The following CTNNA2 variants were observed in gnomAD, a reference collection of about 807,000 sequenced individuals.
CTNNA2 encodes the protein catenin alpha 2.
Under a neutral mutation model 101.0 loss-of-function variants are expected in CTNNA2, and 42 were observed. The ratio of observed to expected loss-of-function variants is 0.42; its 90% CI spans 0.32 to 0.54. The LOEUF (loss-of-function observed/expected upper bound fraction) is 0.54, where lower values mean the gene tolerates loss of function less well. Ranked by LOEUF, CTNNA2 falls within the 20% of genes least tolerant of loss-of-function variation. The probability of loss-of-function intolerance (pLI) is 0.14; values close to 1 mark genes in which losing one functional copy is unlikely to be tolerated. For missense variants in CTNNA2, 871 were observed against 1,223.1 expected, an observed-to-expected ratio of 0.71 and a Z score of 4.29; for synonymous variants, 450 against 456.4, an observed-to-expected ratio of 0.99 and a Z score of 0.18.
chr2:79,873,997 T>G, intron 5 of CTNNA2, 79 bp from the exon 6 acceptor site: 1 of 1,554,306 alleles, frequency 6.4e-7, no homozygotes, highest in Non-Finnish European at 8.7e-7. Flanking sequence ...TTACTAAGAG[T>G]CTGTGACTCC....
chr2:80,510,535 G>A (rs898767452), intron 9 of CTNNA2, among the ~76,000 whole-genome samples: 8 of 152,114 alleles, frequency 5.3e-5, no homozygotes, highest in African/African-American at 1.9e-4. Context: ...GCTTCACCTT[G>A]ATATATCATA....
intron 7 of CTNNA2, among the ~76,000 whole-genome samples, chr2:80,017,448 G>GTA (rs1245756441): frequency 1.3e-5 from 2 of 151,308 alleles, no homozygotes; most frequent in African/African-American, 2.4e-5. Flanking sequence ...ATATACGTGT[G>GTA]TATATATATG....
chr2:80,400,004 G>C (rs957888667), intron 8 of CTNNA2, among the ~76,000 whole-genome samples: 6 of 152,080 alleles, frequency 3.9e-5, no homozygotes, highest in Admixed American at 3.3e-4. Context: ...GTTTAGACTG[G>C]GATTCTTATC....
chr2:80,632,180 T>C (rs374257211), intron 18 of CTNNA2, among the ~76,000 whole-genome samples: 2 of 152,064 alleles, frequency 1.3e-5, no homozygotes, highest in East Asian at 3.9e-4. Context: ...CTAGCCTTAG[T>C]GGAGAACATA....
intron 7 of CTNNA2, among the ~76,000 whole-genome samples, chr2:80,113,368 G>A (rs367775446): frequency 6.6e-6 from 1 of 152,168 alleles, no homozygotes; most frequent in Admixed American, 6.5e-5. Context: ...CAGTACAGGC[G>A]TACACAAGTT....
chr2:80,164,950 T>TTTTTTTTTG (rs1553461433), intron 7 of CTNNA2, among the ~76,000 whole-genome samples: 3 of 148,782 alleles, frequency 2.0e-5, no homozygotes, highest in African/African-American at 7.6e-5. Context: ...TTTTTTTTTT[T>TTTTTTTTTG]TTTTTTTCTA....
chr2:79,742,053 A>G (rs1291075376), intron 2 of CTNNA2, among the ~76,000 whole-genome samples: 2 of 152,314 alleles, frequency 1.3e-5, no homozygotes, highest in African/African-American at 4.8e-5. Flanking sequence ...TTCTTCTGAA[A>G]GTAATCACAT....
chr2:79,418,614 T>C (rs6739405), intron 4 of CTNNA2, among the ~76,000 whole-genome samples: 45,304 of 151,884 alleles, frequency 0.3, 6,887 homozygotes, highest in South Asian at 0.44. Flanking sequence ...TTTGACTAGC[T>C]ACTTAGACTC....
intron 4 of CTNNA2, among the ~76,000 whole-genome samples, chr2:79,451,574 C>T (rs1188702879): frequency 6.6e-6 from 1 of 151,830 alleles, no homozygotes. Context: ...AAAAAAAATA[C>T]TGAGTGATTT....
At chr2:79,322,440 A>G (rs1335833615) in intron 3 of CTNNA2, among the ~76,000 whole-genome samples, 1 of 152,228 alleles carries the variant, frequency 6.6e-6, no homozygotes, top group Non-Finnish European at 1.5e-5. Context: ...ATTTTTCCTG[A>G]ATACTTTCTC....
At chr2:79,347,975 C>G (rs1259766929) in intron 3 of CTNNA2, among the ~76,000 whole-genome samples, 2 of 151,880 alleles carry the variant, frequency 1.3e-5, no homozygotes, top group African/African-American at 4.8e-5. Context: ...AAATCAGGAT[C>G]CAGAGAGAAG....
At chr2:80,543,925 TCTC>T (rs1306873767) in intron 9 of CTNNA2, among the ~76,000 whole-genome samples, 4 of 152,132 alleles carry the variant, frequency 2.6e-5, no homozygotes, top group African/African-American at 9.7e-5. Context: ...TTGCTGTCCT[TCTC>T]CTCTTCTTTG....
intron 7 of CTNNA2, among the ~76,000 whole-genome samples, chr2:80,194,922 G>A (rs1051483640): frequency 2.0e-5 from 3 of 151,774 alleles, no homozygotes; most frequent in African/African-American, 7.3e-5. Flanking sequence ...GCGATATTCA[G>A]AATTCAAATT....
At chr2:80,465,269 G>A (rs527604518) in intron 9 of CTNNA2, among the ~76,000 whole-genome samples, 1 of 152,272 alleles carries the variant, frequency 6.6e-6, no homozygotes, top group Admixed American at 6.5e-5. Context: ...TGCATTTTGT[G>A]ATCAAGGGGT....
At chr2:79,678,541 A>C in intron 2 of CTNNA2, among the ~76,000 whole-genome samples, 1 of 129,424 alleles carries the variant, frequency 7.7e-6, no homozygotes, top group East Asian at 2.1e-4. Flanking sequence ...TCTCAAACAA[A>C]CAAAAAAAAA....
chr2:79,659,792 T>A (rs1430121976), intron 2 of CTNNA2, among the ~76,000 whole-genome samples: 1 of 152,036 alleles, frequency 6.6e-6, no homozygotes, highest in Non-Finnish European at 1.5e-5. Flanking sequence ...AGGCCAGGAG[T>A]TCGAGACCAA....
At chr2:79,317,561 C>T (rs1457240485) in intron 3 of CTNNA2, among the ~76,000 whole-genome samples, 1 of 152,036 alleles carries the variant, frequency 6.6e-6, no homozygotes, top group Non-Finnish European at 1.5e-5. Context: ...TGGTGGACTC[C>T]TTTCATCAGA....
intron 17 of CTNNA2, among the ~76,000 whole-genome samples, chr2:80,617,337 C>A: frequency 6.6e-6 from 1 of 151,354 alleles, no homozygotes. Flanking sequence ...GTCAATGATC[C>A]AATATGTAAA....
chr2:80,029,094 TA>T (rs1477147963), intron 7 of CTNNA2, among the ~76,000 whole-genome samples: 1 of 152,222 alleles, frequency 6.6e-6, no homozygotes, highest in African/African-American at 2.4e-5. Flanking sequence ...GGAAAGGGCT[TA>T]TCTAGCCTTC....
Sources: allele counts gnomAD v4.1 joint callset (sites outside exome capture counted in the v4.1 genomes callset), GRCh38; gene constraint gnomAD v4.1.1; transcripts MANE v1.5; gene names NCBI Gene and HGNC (gene_info 2026-07-23, HGNC 2026-07-21).